Variants in SGCZ observed in about 807,000 individuals in gnomAD.
The protein encoded by SGCZ is zeta-sarcoglycan.
In SGCZ, 40 loss-of-function variants were observed where a neutral mutation model predicts 41.3. That is an observed-to-expected ratio of 0.97 (90% confidence interval 0.75 to 1.26). SGCZ has a LOEUF of 1.26. SGCZ is among the 50% of genes most tolerant of loss of function. The probability of loss-of-function intolerance (pLI) is 0.00; values close to 1 mark genes in which losing one functional copy is unlikely to be tolerated. For synonymous variants in SGCZ, 206 were observed against 137.5 expected, an observed-to-expected ratio of 1.50 and a Z score of -3.49; for missense variants, 552 against 369.8, an observed-to-expected ratio of 1.49 and a Z score of -4.04.
intron 1 of SGCZ, among the ~76,000 whole-genome samples, chr8:14,687,171 AATAT>A (rs59722242): frequency 6.4e-4 from 90 of 141,306 alleles, no homozygotes; most frequent in African/African-American, 2.3e-3. Flanking sequence ...AGAAAAAAAA[AATAT>A]ATATATATAT....
At chr8:15,076,527 C>A (rs1585537829) in intron 1 of SGCZ, among the ~76,000 whole-genome samples, 1 of 152,074 alleles carries the variant, frequency 6.6e-6, no homozygotes, top group Non-Finnish European at 1.5e-5. Flanking sequence ...ACACACCATC[C>A]CTTCCTATCC....
At chr8:14,633,197 T>A (rs1019859372) in intron 1 of SGCZ, among the ~76,000 whole-genome samples, 6 of 152,016 alleles carry the variant, frequency 3.9e-5, no homozygotes, top group African/African-American at 1.2e-4. Context: ...GCATAATTCA[T>A]CTGGCATTAT....
intron 2 of SGCZ, among the ~76,000 whole-genome samples, chr8:14,480,560 C>G (rs10089540): frequency 0.91 from 137,764 of 152,142 alleles, 63,724 homozygotes; most frequent in East Asian, 1. Flanking sequence ...ACTCAATTTA[C>G]AAATTTATTC....
chr8:14,283,772 C>G (rs1041981138), intron 3 of SGCZ, among the ~76,000 whole-genome samples: 5 of 152,158 alleles, frequency 3.3e-5, no homozygotes, highest in Non-Finnish European at 4.4e-5. Flanking sequence ...CATAACTACT[C>G]TACTGCAATG....
At chr8:14,822,610 G>A (rs1585292247) in intron 1 of SGCZ, among the ~76,000 whole-genome samples, 1 of 152,112 alleles carries the variant, frequency 6.6e-6, no homozygotes, top group African/African-American at 2.4e-5. Flanking sequence ...AAAACAGCAT[G>A]GTGGTGGTAT....
intron 1 of SGCZ, among the ~76,000 whole-genome samples, chr8:14,680,099 T>A (rs1034361406): frequency 6.6e-6 from 1 of 152,082 alleles, no homozygotes; most frequent in Non-Finnish European, 1.5e-5. Context: ...TCAGAATGTA[T>A]CTCCACTGTG....
intron 1 of SGCZ, among the ~76,000 whole-genome samples, chr8:14,764,126 G>A (rs960560400): frequency 6.6e-6 from 1 of 152,288 alleles, no homozygotes; most frequent in Middle Eastern, 3.4e-3. Flanking sequence ...ATATCAAAAA[G>A]GACAAAGGAG....
At chr8:14,141,724 T>A (rs1803376073) in intron 5 of SGCZ, among the ~76,000 whole-genome samples, 2 of 152,212 alleles carry the variant, frequency 1.3e-5, no homozygotes, top group African/African-American at 4.8e-5. Context: ...GATGGGAGTG[T>A]AAACTACTTC....
chr8:14,710,029 C>A (rs1461647077), intron 1 of SGCZ, among the ~76,000 whole-genome samples: 1 of 152,114 alleles, frequency 6.6e-6, no homozygotes, highest in East Asian at 1.9e-4. Context: ...TCCCTTCTGT[C>A]ACAAGTCAGA....
At chr8:14,396,583 A>G (rs961167254) in intron 2 of SGCZ, among the ~76,000 whole-genome samples, 6 of 152,136 alleles carry the variant, frequency 3.9e-5, no homozygotes, top group Non-Finnish European at 8.8e-5. Context: ...TGCTAGGGAT[A>G]TAATGGACAA....
At chr8:14,221,915 C>A (rs577572786) in intron 4 of SGCZ, among the ~76,000 whole-genome samples, 50 of 151,060 alleles carry the variant, frequency 3.3e-4, no homozygotes, top group Admixed American at 6.6e-4. Context: ...GAGCCGAGAT[C>A]ATGCCACTGC....
At chr8:14,852,623 C>G (rs755531033) in intron 1 of SGCZ, among the ~76,000 whole-genome samples, 2 of 152,156 alleles carry the variant, frequency 1.3e-5, no homozygotes, top group Non-Finnish European at 1.5e-5. Context: ...ACTTTTTTCC[C>G]TGCACGCCAG....
intron 2 of SGCZ, among the ~76,000 whole-genome samples, chr8:14,427,205 A>T (rs191283190): frequency 3.5e-4 from 54 of 152,262 alleles, no homozygotes; most frequent in Middle Eastern, 6.8e-3. Context: ...TATAGGATAA[A>T]GAGGTTCAGG....
intron 1 of SGCZ, among the ~76,000 whole-genome samples, chr8:15,007,272 T>C (rs904395297): frequency 6.6e-6 from 1 of 152,224 alleles, no homozygotes; most frequent in Admixed American, 6.5e-5. Context: ...CTATGACAGA[T>C]TTTGATACTA....
chr8:14,155,045 T>G (rs1033345070), intron 5 of SGCZ, among the ~76,000 whole-genome samples: 1 of 152,200 alleles, frequency 6.6e-6, no homozygotes, highest in African/African-American at 2.4e-5. Flanking sequence ...CACTCTGTTT[T>G]GGAGTAGTTT....
chr8:14,692,239 T>C (rs1187924896), intron 1 of SGCZ, among the ~76,000 whole-genome samples: 3 of 152,060 alleles, frequency 2.0e-5, no homozygotes, highest in Non-Finnish European at 4.4e-5. Context: ...TTAAGATTAA[T>C]GATATATCTT....
At chr8:15,193,355 T>C (rs1189111725) in intron 1 of SGCZ, among the ~76,000 whole-genome samples, 1 of 152,138 alleles carries the variant, frequency 6.6e-6, no homozygotes, top group East Asian at 1.9e-4. Context: ...GACATCGTTA[T>C]AACTGTCACA....
At chr8:14,254,743 G>A (rs1799403059) in intron 3 of SGCZ, among the ~76,000 whole-genome samples, 1 of 142,452 alleles carries the variant, frequency 7.0e-6, no homozygotes, top group South Asian at 2.1e-4. Flanking sequence ...AAGACATCGT[G>A]TCGTCTTTTT....
At chr8:14,479,759 T>TTTA (rs1801479797) in intron 2 of SGCZ, among the ~76,000 whole-genome samples, 1 of 81,100 alleles carries the variant, frequency 1.2e-5, no homozygotes, top group South Asian at 3.5e-4. Context: ...TTTTTTTTTT[T>TTTA]TTATTTGAGA....
Sources: gnomAD v4.1 joint callset for allele counts (sites outside exome capture counted in the v4.1 genomes callset) on GRCh38, gnomAD v4.1.1 for gene constraint, MANE v1.5 for transcripts, NCBI Gene and HGNC (gene_info 2026-07-23, HGNC 2026-07-21) for gene names.